MYO7A: variants seen among roughly 807,000 people sequenced by gnomAD.
MYO7A encodes the protein myosin VIIA, also known as unconventional myosin-VIIa.
In MYO7A, 210 loss-of-function variants were observed where a neutral mutation model predicts 263.8. The ratio of observed to expected loss-of-function variants is 0.80; its 90% confidence interval spans 0.71 to 0.89. MYO7A has a LOEUF of 0.89. Ranked by LOEUF, MYO7A falls within the 40% of genes least tolerant of loss-of-function variation. The probability of loss-of-function intolerance (pLI) is 0.00; values close to 1 mark genes in which losing one functional copy is unlikely to be tolerated. For synonymous variants in MYO7A, 1,239 were observed against 1,197.3 expected, an observed-to-expected ratio of 1.03 and a Z score of -0.72; for missense variants, 2,820 against 2,968.3, an observed-to-expected ratio of 0.95 and a Z score of 1.16.
rs114299096 is a variant in MYO7A, at chr11:77,185,209, C to T, written c.3503+494C>T. 7.6e-3 allele frequency among the ~76,000 whole-genome samples: 1,155 copies of T among 152,156 alleles called. 15 individuals are homozygous for T. The highest frequency in any genetic ancestry group is 0.027 in the African/African-American group (1,102 of 41,522). ...GATCAGAGTGGTGGTTGCTGAAGGTCGAGGTGGCTGCGACAATTTATTAAG... is the reference window on the plus strand; with the variant it reads ...GATCAGAGTGGTGGTTGCTGAAGGTTGAGGTGGCTGCGACAATTTATTAAG... On this transcript the variant is annotated intron_variant, in intron 27 of 48. Transcript: ENST00000409709.
intron 34 of MYO7A, among the ~76,000 whole-genome samples, 187 bp downstream of exon 34, chr11:77,198,808 A>C (rs1956867280): frequency 6.6e-6 from 1 of 152,224 alleles, no homozygotes; most frequent in African/African-American, 2.4e-5. Context: ...TGGGCTTTAC[A>C]GCACATTAAG....
At position 77,213,943 on chromosome 11, in the gene MYO7A, G is replaced by C. The variant is rs1481841012; in HGVS notation, c.6522G>C (p.Leu2174Phe). The change falls in exon 48 of 49, where the codon TTG becomes TTC. Residue 2174 changes from leucine (L) to phenylalanine (F), a missense_variant. Transcript: ENST00000409709. ...NTYFHITIGN[L>F]VRGSKLLCET... ...ACTTCCACATCACCATTGGGAACTTGGTGCGCGGGAGCAAACTGCTCTGCG... is the reference window on the plus strand; with the variant it reads ...ACTTCCACATCACCATTGGGAACTTCGTGCGCGGGAGCAAACTGCTCTGCG... The C allele has an allele frequency of 5.6e-6, 9 of 1,613,956 alleles. No homozygotes were observed. In the Admixed American group the frequency reaches 6.7e-5, roughly 12 times the overall value.
chr11:77,192,107 G>A lies in MYO7A; in HGVS notation c.3981G>A (p.Glu1327=). Residue 1327 remains glutamate, a synonymous_variant, in exon 31 of 49, where the codon GAG becomes GAA. Coordinates refer to ENST00000409709, the MANE Select transcript of MYO7A (RefSeq NM_000260.4). ...DHVMDAISQC[E]QYAKEQGAQE... is the part of the protein sequence containing the mutation. ...TCATGGACGCCATCTCCCAGTGCGA[G>A]CAGTACGCCAAGGAGCAGGGCGCCC... 6.2e-7 allele frequency: 1 copy of A among 1,613,898 alleles called. No homozygotes were observed. The highest frequency in any genetic ancestry group is 8.5e-7 in the Non-Finnish European group (1 of 1,179,892).
chr11:77,162,727 A>T (rs940925666), intron 13 of MYO7A, 126 bp from the exon 14 acceptor site: 1 of 1,296,358 alleles, frequency 7.7e-7, no homozygotes, highest in Non-Finnish European at 1.1e-6. Flanking sequence ...GAGAGCGCCT[A>T]TGTGAGGTAG....
chr11:77,206,462 T>G (rs1957452516), intron 41 of MYO7A, among the ~76,000 whole-genome samples: 1 of 152,214 alleles, frequency 6.6e-6, no homozygotes, highest in African/African-American at 2.4e-5. Context: ...TGAGGAGGAC[T>G]TGCCTTGGAG....
Position 77,181,427 on chromosome 11 carries a change from G to T in MYO7A, c.2742G>T (p.Lys914Asn). The change falls in exon 23 of 49, where the codon AAG (lysine) becomes AAT (asparagine). Residue 914 changes from lysine (K) to asparagine (N), a missense_variant. Transcript: ENST00000409709. Reference protein sequence around the residue: ...LAREDAERELKEKEAARRKKE... With the variant: ...LAREDAERELNEKEAARRKKE... The stretch of plus-strand genomic sequence containing the variant: ...GTGAGGACGCTGAGCGGGAGCTGAA[G>T]GAGAAGGAGGCCGCTCGGCGGAAGA... 1 of 1,595,198 alleles carries T rather than the reference G, an allele frequency of 6.3e-7. No homozygotes were observed. Among genetic ancestry groups the T allele is most frequent in the Non-Finnish European group, 8.5e-7 (1 of 1,171,334 alleles).
chr11:77,193,096 A>T (rs1365583963), intron 31 of MYO7A, among the ~76,000 whole-genome samples: 4 of 76,702 alleles, frequency 5.2e-5, no homozygotes, highest in African/African-American at 1.9e-4. Flanking sequence ...GTGATGGTGG[A>T]GGTAGTGATG....
Position 77,205,732 on chromosome 11 carries a change from G to A in MYO7A, c.5636+115G>A. 10 of 1,395,916 alleles carry A rather than the reference G, an allele frequency of 7.2e-6. No homozygotes were observed. In the South Asian group the frequency reaches 1.3e-4, roughly 19 times the overall value. The allele number at this position is 1,395,916 out of a possible 1,614,324, so 86.5% of individuals were successfully genotyped here. A position where few individuals can be genotyped will look rare whatever the true frequency, so the allele number is the denominator to read the frequency against. ...CACATAGCAGTTGGGCCCACCCCTG[G>A]GGTACCTCAACTGCCAGCTAGACGG... On this transcript the variant is annotated intron_variant, in intron 40 of 48. Coordinates refer to ENST00000409709, the MANE Select transcript of MYO7A (RefSeq NM_000260.4).
At position 77,207,442 on chromosome 11, in the gene MYO7A, T is replaced by C. The variant is rs1262102862; in HGVS notation, c.5856+40T>C. 2.8e-6 allele frequency: 4 copies of C among 1,426,390 alleles called. No individual in the cohort carries two copies. The East Asian group carries it at 9.6e-5, about 34-fold the overall frequency. 88.4% of individuals were successfully genotyped at this position (1,426,390 alleles called of 1,614,324 possible). On this transcript the variant is annotated intron_variant, in intron 42 of 48. Transcript: ENST00000409709. Reference sequence around the variant, plus strand: ...ACCTTCGCCAAGGTGGGAGATTTGCTGGGGCCATAGGAACTTACGGACAGC... The same window carrying C: ...ACCTTCGCCAAGGTGGGAGATTTGCCGGGGCCATAGGAACTTACGGACAGC...
At chr11:77,180,089 T>C (rs1955049914) in intron 21 of MYO7A, 136 bp downstream of exon 21, 2 of 956,954 alleles carry the variant, frequency 2.1e-6, no homozygotes, top group Non-Finnish European at 3.0e-6. Context: ...GGAGTGCACA[T>C]ACCTGGGACC....
At chr11:77,184,469 T>C in intron 26 of MYO7A, 119 bp from the exon 27 acceptor site, 1 of 830,742 alleles carries the variant, frequency 1.2e-6, no homozygotes, top group Non-Finnish European at 1.9e-6. Flanking sequence ...GGAGCCCAGT[T>C]CTTCTGCTCA....
In MYO7A at chr11:77,138,962, C is replaced by A. The variant is rs1555049032; in HGVS notation, c.19-3747C>A. 1.3e-5 allele frequency among the ~76,000 whole-genome samples: 2 copies of A among 152,246 alleles called. No homozygotes were observed. The highest frequency in any genetic ancestry group is 2.9e-5 in the Non-Finnish European group (2 of 68,042). On this transcript the variant is annotated intron_variant, in intron 2 of 48. Coordinates refer to ENST00000409709, the MANE Select transcript of MYO7A (RefSeq NM_000260.4). This position sits in a 1 kb window ranked among gnomAD's most constrained non-coding sequence, Gnocchi z 4.9. ...TCACTCCACAAACAGGGACTGGCCC[C>A]AGGCCTGGTCCCAGAGGAAGGAAGA...
intron 39 of MYO7A, among the ~76,000 whole-genome samples, chr11:77,204,899 C>A (rs911500700): frequency 6.6e-6 from 1 of 152,184 alleles, no homozygotes; most frequent in African/African-American, 2.4e-5. Flanking sequence ...TCAGCCCCTT[C>A]TCTGCATGCC....
At chr11:77,131,839 G>A (rs1049592314) in intron 2 of MYO7A, among the ~76,000 whole-genome samples, 1 of 152,194 alleles carries the variant, frequency 6.6e-6, no homozygotes, top group Non-Finnish European at 1.5e-5. Flanking sequence ...CCTGAAGAAA[G>A]CCCCAGCCCT....
In MYO7A at chr11:77,208,529, G is replaced by A. The variant is rs1297020543; in HGVS notation, c.5944+12G>A. 19 of 1,608,234 alleles carry A rather than the reference G, an allele frequency of 1.2e-5. No homozygotes were observed. Among genetic ancestry groups the A allele is most frequent in the South Asian group, 7.8e-5 (7 of 90,244 alleles). On this transcript the variant is annotated intron_variant, in intron 43 of 48. Transcript: ENST00000409709. ...GCCCATCAAGGACGGTAATGAGGCC[G>A]GGTCCTGGGATCATCTGAGGCCCAG...
At chr11:77,160,109 G>T (rs1240621639) in intron 10 of MYO7A, 54 bp from the exon 11 acceptor site, 2 of 1,533,636 alleles carry the variant, frequency 1.3e-6, no homozygotes, top group African/African-American at 2.7e-5. Context: ...TCCGGGTGTG[G>T]GTGGAGGGAG....
chr11:77,186,144 A>G (rs1461958230), intron 27 of MYO7A, among the ~76,000 whole-genome samples: 1 of 151,086 alleles, frequency 6.6e-6, no homozygotes, highest in African/African-American at 2.4e-5. Flanking sequence ...CTGGTCTTGA[A>G]CTCCTGACCC....
At chr11:77,166,017 C>T in intron 14 of MYO7A, 39 bp from the exon 15 acceptor site, 1 of 1,508,556 alleles carries the variant, frequency 6.6e-7, no homozygotes, top group African/African-American at 1.4e-5. Flanking sequence ...GAGGGCCTGC[C>T]AGAGCTGGTG....
At position 77,138,823 on chromosome 11, in the gene MYO7A, C is replaced by T. The variant is rs1271218708; in HGVS notation, c.19-3886C>T. On this transcript the variant is annotated intron_variant, in intron 2 of 48. Transcript: ENST00000409709. The surrounding 1 kb of genome is among the most constrained non-coding windows in gnomAD (Gnocchi z 4.9). The stretch of plus-strand genomic sequence containing the variant: ...CCAAACTATGTTTAGCAACTAGACA[C>T]TAGCAAGATGCTTGGCTCACGTTTC... 6.6e-6 allele frequency among the ~76,000 whole-genome samples: 1 copy of T among 152,226 alleles called. No homozygotes were observed. Among genetic ancestry groups the T allele is most frequent in the Non-Finnish European group, 1.5e-5 (1 of 68,054 alleles).
Sources: gnomAD v4.1 joint callset for allele counts (sites outside exome capture counted in the v4.1 genomes callset) on GRCh38, gnomAD v4.1.1 for gene constraint, Gnocchi (gnomAD v3.1) non-coding constraint, MANE v1.5 for transcripts, NCBI Gene and HGNC (gene_info 2026-07-23, HGNC 2026-07-21) for gene names.